Variants in UNC80 observed in about 807,000 individuals in gnomAD.
The protein encoded by UNC80 is protein unc-80 homolog.
In UNC80, 164 loss-of-function variants were observed where a neutral mutation model predicts 384.6. The ratio of observed to expected loss-of-function variants is 0.43; its 90% CI spans 0.38 to 0.49. UNC80 has a LOEUF of 0.49. Ranked by LOEUF, UNC80 falls within the 20% of genes least tolerant of loss-of-function variation. The pLI, the probability that UNC80 is intolerant of heterozygous loss-of-function variation, is 0.00. For synonymous variants in UNC80, 1,486 were observed against 1,527.8 expected, an observed-to-expected ratio of 0.97 and a Z score of 0.64; for missense variants, 3,330 against 4,143.0, an observed-to-expected ratio of 0.80 and a Z score of 5.39.
Position 209,834,023 on chromosome 2 carries a change from C to G in UNC80, c.2797C>G (p.Gln933Glu). Reference protein sequence around the residue: ...ENLGLYCDIRQLVQFIKEAHG... With the variant: ...ENLGLYCDIRELVQFIKEAHG... Reference sequence around the variant, plus strand: ...ACAGGGACTGTATTGTGACATTCGTCAGCTGGTCCAGTTTATCAAAGAGGC... The same window carrying G: ...ACAGGGACTGTATTGTGACATTCGTGAGCTGGTCCAGTTTATCAAAGAGGC... The change falls in exon 17 of 65, where the codon CAG (glutamine) becomes GAG (glutamate). Residue 933 changes from glutamine (Q) to glutamate (E), a missense_variant. By Grantham distance (29) the Gln-to-Glu change is conservative (BLOSUM62 2). Around this residue, in one of 8 missense-constraint regions of UNC80, gnomAD observed 937 missense variants for 1,026.8 expected, o/e 0.91. Coordinates refer to ENST00000673920, the MANE Select transcript of UNC80 (RefSeq NM_001371986.1). 1 of 1,551,696 alleles carries G rather than the reference C, an allele frequency of 6.4e-7. No individual in the cohort carries two copies. The highest frequency in any genetic ancestry group is 8.7e-7 in the Non-Finnish European group (1 of 1,146,958).
intron 7 of UNC80, among the ~76,000 whole-genome samples, chr2:209,812,085 C>G (rs925567222): frequency 6.6e-6 from 1 of 152,020 alleles, no homozygotes; most frequent in Non-Finnish European, 1.5e-5. Context: ...AGTCTCGCTC[C>G]GTAGCCCAGG....
chr2:209,914,020 C>G (rs890136267), intron 31 of UNC80, 80 bp downstream of exon 31: 1 of 1,448,638 alleles, frequency 6.9e-7, no homozygotes, highest in Non-Finnish European at 9.2e-7. Context: ...AGAGGTGTTT[C>G]CATTCTATTT....
At chr2:209,894,055 C>A in intron 26 of UNC80, 108 bp from the exon 27 acceptor site, 2 of 749,792 alleles carry the variant, frequency 2.7e-6, no homozygotes, top group Middle Eastern at 6.8e-4. Flanking sequence ...GAGTGCTCAT[C>A]CAGGCCAGCA....
rs2090592166 is a variant in UNC80 at position 209,928,318 on chromosome 2, AGAGT to A, written c.5806+1336_5806+1339del. On this transcript the variant is annotated intron_variant, in intron 36 of 64. Transcript: ENST00000673920. ...ACCACTGCACTTCAGCCTGGGCAAC[AGAGT>A]GAGACTCCATCTCAAAAATAAAAAT... 1.1e-4 allele frequency among the ~76,000 whole-genome samples: 16 copies of A among 152,336 alleles called. No homozygotes were observed. In the South Asian group the frequency reaches 3.3e-3, roughly 32 times the overall value.
chr2:209,817,901 A>G lies in UNC80; in HGVS notation c.1642A>G (p.Ser548Gly), dbSNP rs369081251. The G allele has an allele frequency of 1.5e-4, 237 of 1,551,638 alleles. 3 individuals carry two copies. In the East Asian group the frequency reaches 3.5e-3, roughly 23 times the overall value. ...TTCCCACTCCCATCACACCCTGGTA[A>G]GCGACCTGCCGGACCCCTCCAACAG... ...RHSHSHHTLVSDLPDPSNSHG... is the reference protein window; with the variant it reads ...RHSHSHHTLVGDLPDPSNSHG... Residue 548 changes from serine to glycine, a missense_variant, in exon 11 of 65, where the codon AGC (serine) becomes GGC (glycine). Physicochemically the swap from Ser to Gly is moderately conservative, Grantham distance 56. This residue lies in a region of UNC80 where 937 missense variants were observed against 1,026.8 expected (regional missense o/e 0.91). Transcript: ENST00000673920.
At chr2:209,966,160 T>G (rs1394619132) in intron 51 of UNC80, among the ~76,000 whole-genome samples, 2 of 152,156 alleles carry the variant, frequency 1.3e-5, no homozygotes, top group African/African-American at 4.8e-5. Flanking sequence ...ATGTACTGAT[T>G]CAAGCCAAAG....
intron 22 of UNC80, among the ~76,000 whole-genome samples, chr2:209,858,734 A>G (rs974269774): frequency 6.6e-6 from 1 of 151,728 alleles, no homozygotes; most frequent in African/African-American, 2.4e-5. Context: ...AAAGGTTTAT[A>G]TTTAATTTTT....
In UNC80 at chr2:209,943,376, A is replaced by G. The variant is rs940064906; in HGVS notation, c.6916-4A>G. The G allele has an allele frequency of 5.2e-6, 8 of 1,551,316 alleles. No individual in the cohort carries two copies. The highest frequency in any genetic ancestry group is 2.4e-5 in the East Asian group (1 of 40,916). ...TTTTTTGAATATCTGGCATTTTTCC[A>G]TAGGTGTACTCCGACTATGAAAGCA... On this transcript the variant is annotated splice_region_variant and splice_polypyrimidine_tract_variant and intron_variant, in intron 44 of 64. Coordinates refer to ENST00000673920, the MANE Select transcript of UNC80 (RefSeq NM_001371986.1).
intron 22 of UNC80, among the ~76,000 whole-genome samples, chr2:209,857,150 T>A (rs181543771): frequency 2.6e-5 from 4 of 152,286 alleles, no homozygotes; most frequent in Non-Finnish European, 5.9e-5. Context: ...TATTAATAGT[T>A]AGAACTTAAA....
Position 209,809,214 on chromosome 2 carries a change from T to C in UNC80, c.939-4366T>C, listed in dbSNP as rs555311986. ...TGTGCAAGCAGCTGGCCCAGGTCTC[T>C]GAGGCCAAGGATTCCCAGTTTCAAA... is the stretch of plus-strand genomic sequence containing the variant. On this transcript the variant is annotated intron_variant, in intron 7 of 64. Coordinates refer to ENST00000673920, the MANE Select transcript of UNC80 (RefSeq NM_001371986.1). 2.0e-4 allele frequency: 134 copies of C among 679,206 alleles called. No homozygotes were observed. The East Asian group carries it at 3.6e-3, about 18-fold the overall frequency. 42.1% of individuals were successfully genotyped at this position (679,206 alleles called of 1,614,324 possible). A position where few individuals can be genotyped will look rare whatever the true frequency, so the allele number is the denominator to read the frequency against.
intron 4 of UNC80, among the ~76,000 whole-genome samples, chr2:209,782,410 A>C (rs2077201677): frequency 6.6e-6 from 1 of 151,556 alleles, no homozygotes; most frequent in African/African-American, 2.4e-5. Flanking sequence ...TTTCTAGTAA[A>C]CTCCTACTTA....
intron 49 of UNC80, among the ~76,000 whole-genome samples, 152 bp from the exon 50 acceptor site, chr2:209,958,967 C>T (rs891460851): frequency 6.6e-6 from 1 of 152,062 alleles, no homozygotes; most frequent in African/African-American, 2.4e-5. Flanking sequence ...AAAGATAAAG[C>T]CTTTATGTTT....
chr2:209,918,043 T>G, intron 32 of UNC80, 85 bp downstream of exon 32: 1 of 1,304,764 alleles, frequency 7.7e-7, no homozygotes. Context: ...AGTCACAGTA[T>G]GTGGCCAAAG....
chr2:209,872,751 T>C lies in UNC80; in HGVS notation c.3628-7T>C. 6.4e-7 allele frequency: 1 copy of C among 1,550,934 alleles called. No homozygotes were observed. The highest frequency in any genetic ancestry group is 8.7e-7 in the Non-Finnish European group (1 of 1,146,320). On this transcript the variant is annotated splice_polypyrimidine_tract_variant and splice_region_variant and intron_variant, in intron 22 of 64. Transcript: ENST00000673920. The surrounding 1 kb of genome is among the most constrained non-coding windows in gnomAD (Gnocchi z 4.1). ...CACATTATTCTTTCCTAAACAACCC[T>C]ACACAGGAAGCCCCTGTGGTGGCCA...
intron 26 of UNC80, among the ~76,000 whole-genome samples, chr2:209,890,648 G>C (rs1019082632): frequency 2.0e-5 from 3 of 152,160 alleles, no homozygotes; most frequent in Non-Finnish European, 2.9e-5. Flanking sequence ...ATGTGGCCTT[G>C]TCCAAGTTAT....
chr2:209,969,742 C>T, intron 52 of UNC80, 26 bp from the exon 53 acceptor site: 4 of 1,551,216 alleles, frequency 2.6e-6, no homozygotes, highest in Non-Finnish European at 3.5e-6. Flanking sequence ...AGCCAAGACG[C>T]TAATGGCGCC....
intron 22 of UNC80, among the ~76,000 whole-genome samples, chr2:209,865,167 C>T (rs952504272): frequency 3.3e-5 from 5 of 152,114 alleles, no homozygotes; most frequent in African/African-American, 1.2e-4. Context: ...ACGGCAGCCT[C>T]TTAGTTCTGA....
At chr2:209,851,141 T>TA (rs894886911) in intron 22 of UNC80, among the ~76,000 whole-genome samples, 3 of 147,022 alleles carry the variant, frequency 2.0e-5, no homozygotes, top group Admixed American at 6.7e-5. Context: ...ATTTACAAGT[T>TA]AAAAAAAAGG....
chr2:209,921,816 G>A (rs567524928), intron 34 of UNC80, 130 bp downstream of exon 34: 6 of 1,122,692 alleles, frequency 5.3e-6, no homozygotes, highest in African/African-American at 4.7e-5. Context: ...ACTTCCTGAC[G>A]CTAACCAAAG....
Sources: gnomAD v4.1 joint callset for allele counts (sites outside exome capture counted in the v4.1 genomes callset) on GRCh38, gnomAD v4.1.1 for gene constraint, gnomAD v4.1.1 regional missense constraint, Gnocchi (gnomAD v3.1) non-coding constraint, MANE v1.5 for transcripts, NCBI Gene and HGNC (gene_info 2026-07-23, HGNC 2026-07-21) for gene names.